Variants in COBL observed in about 807,000 individuals in gnomAD.
COBL encodes cordon-bleu WH2 repeat protein.
COBL carries 51 observed loss-of-function variants against 98.8 expected under a neutral mutation model. That is an observed-to-expected ratio of 0.52 (90% CI 0.41 to 0.65). COBL has a LOEUF of 0.65. COBL is among the 30% of genes least tolerant of loss of function. COBL has a pLI of 0.00. For missense variants in COBL, 1,617 were observed against 1,617.5 expected, an observed-to-expected ratio of 1.00 and a Z score of 0.01; for synonymous variants, 634 against 651.7, an observed-to-expected ratio of 0.97 and a Z score of 0.41.
intron 1 of COBL, among the ~76,000 whole-genome samples, chr7:51,285,711 A>G (rs925223371): frequency 1.3e-5 from 2 of 152,220 alleles, no homozygotes; most frequent in African/African-American, 4.8e-5. Context: ...AATTCTCAGC[A>G]TGGCTGTTTT....
At chr7:51,267,704 G>T (rs946146157) in intron 1 of COBL, among the ~76,000 whole-genome samples, 1 of 151,986 alleles carries the variant, frequency 6.6e-6, no homozygotes, top group Non-Finnish European at 1.5e-5. Context: ...CCTCCAAGAA[G>T]CTGGGATTAC....
chr7:51,248,212 C>G (rs1386168434), intron 1 of COBL, among the ~76,000 whole-genome samples: 1 of 152,190 alleles, frequency 6.6e-6, no homozygotes, highest in African/African-American at 2.4e-5. Context: ...GAATTTTCCT[C>G]CTACTGTGCA....
chr7:51,114,577 A>G (rs928350917), intron 6 of COBL, among the ~76,000 whole-genome samples: 2 of 152,196 alleles, frequency 1.3e-5, no homozygotes, highest in African/African-American at 4.8e-5. Context: ...AAGTTTTCTT[A>G]CAGAAATGAT....
intron 8 of COBL, among the ~76,000 whole-genome samples, chr7:51,039,261 A>G (rs1257436164): frequency 6.6e-6 from 1 of 152,216 alleles, no homozygotes; most frequent in Non-Finnish European, 1.5e-5. Flanking sequence ...GCTGCTGTTT[A>G]GTGTTCTAAT....
At chr7:51,266,982 C>T (rs1358221372) in intron 1 of COBL, among the ~76,000 whole-genome samples, 1 of 152,076 alleles carries the variant, frequency 6.6e-6, no homozygotes, top group Non-Finnish European at 1.5e-5. Context: ...AAGCATATAA[C>T]ATTGTATCAT....
intron 6 of COBL, among the ~76,000 whole-genome samples, chr7:51,093,892 A>G (rs1583768474): frequency 2.0e-5 from 3 of 151,380 alleles, no homozygotes; most frequent in African/African-American, 7.3e-5. Flanking sequence ...AGGCCCTGAC[A>G]CCAAAAGAAA....
At chr7:51,297,042 C>T (rs1801478392) in intron 1 of COBL, among the ~76,000 whole-genome samples, 1 of 152,142 alleles carries the variant, frequency 6.6e-6, no homozygotes, top group African/African-American at 2.4e-5. Flanking sequence ...CCCTCAAACC[C>T]TCTTTTGAGT....
chr7:51,276,426 C>A (rs766552092), intron 1 of COBL, among the ~76,000 whole-genome samples: 1 of 152,206 alleles, frequency 6.6e-6, no homozygotes, highest in Non-Finnish European at 1.5e-5. Context: ...CGGCCGGGGA[C>A]GGGCCATACC....
At chr7:51,066,076 A>G (rs896423598) in intron 7 of COBL, among the ~76,000 whole-genome samples, 3 of 152,216 alleles carry the variant, frequency 2.0e-5, no homozygotes, top group Non-Finnish European at 2.9e-5. Context: ...GCAGACTAAC[A>G]TATCAGTGCA....
chr7:51,064,957 T>C (rs542261705), intron 7 of COBL: 2 of 594,076 alleles, frequency 3.4e-6, no homozygotes, highest in Non-Finnish European at 6.0e-6. Context: ...AGGCTCATTT[T>C]CCTCTCTATT....
intron 1 of COBL, among the ~76,000 whole-genome samples, chr7:51,229,276 C>T (rs73697837): frequency 0.031 from 4,743 of 152,258 alleles, 204 homozygotes; most frequent in South Asian, 0.15. Flanking sequence ...CGAGCAAGCC[C>T]GCGGTGCCGG....
chr7:51,184,083 T>C lies in COBL; in HGVS notation c.783+19A>G, dbSNP rs901958488. 3.3e-6 allele frequency: 4 copies of C among 1,201,508 alleles called. No individual in the cohort carries two copies. Among genetic ancestry groups the C allele is most frequent in the Middle Eastern group, 2.4e-4 (1 of 4,128 alleles). 74.4% of individuals were successfully genotyped at this position (1,201,508 alleles called of 1,614,324 possible). A position where few individuals can be genotyped will look rare whatever the true frequency, so the allele number is the denominator to read the frequency against. ...TTTTTTTACATGATACAAAATCATA[T>C]GTGTATTTAATCCATTACCTTACTA... is the stretch of plus-strand genomic sequence containing the variant. On this transcript the variant is annotated intron_variant, in intron 5 of 12. Transcript: ENST00000265136.
intron 1 of COBL, among the ~76,000 whole-genome samples, chr7:51,307,022 CAG>C (rs1304366430): frequency 6.6e-6 from 1 of 152,180 alleles, no homozygotes. Context: ...CGAGAGACGT[CAG>C]AGTCACATGG....
intron 1 of COBL, among the ~76,000 whole-genome samples, chr7:51,229,083 G>A (rs1306432994): frequency 6.6e-6 from 1 of 152,148 alleles, no homozygotes; most frequent in Non-Finnish European, 1.5e-5. Flanking sequence ...CCTAAAAGGA[G>A]CACAAAGGGC....
chr7:51,068,298 C>T (rs1379289343), intron 7 of COBL, among the ~76,000 whole-genome samples: 4 of 152,190 alleles, frequency 2.6e-5, no homozygotes, highest in Admixed American at 2.6e-4. Context: ...ACAAAGGATG[C>T]ATTCAGATGA....
intron 1 of COBL, among the ~76,000 whole-genome samples, chr7:51,285,730 T>C (rs917652743): frequency 6.6e-6 from 1 of 152,168 alleles, no homozygotes; most frequent in Non-Finnish European, 1.5e-5. Context: ...TTTGTAGACA[T>C]AGACAAACTG....
chr7:51,107,395 T>G (rs1796409108), intron 6 of COBL, among the ~76,000 whole-genome samples: 1 of 152,080 alleles, frequency 6.6e-6, no homozygotes, highest in South Asian at 2.1e-4. Context: ...CCCTAGTATT[T>G]TTAAATAGAG....
In COBL at chr7:51,114,601, T is replaced by C. The variant is rs567159556; in HGVS notation, c.957+21557A>G. ...TACAGAAATGATGTATCTGCCATTCTCTGTCCTTGATCAGAAGTTTGTCCT... is the reference window on the plus strand; with the variant it reads ...TACAGAAATGATGTATCTGCCATTCCCTGTCCTTGATCAGAAGTTTGTCCT... On this transcript the variant is annotated intron_variant, in intron 6 of 12. Transcript: ENST00000265136. 2.6e-5 allele frequency among the ~76,000 whole-genome samples: 4 copies of C among 152,292 alleles called. 1 individual carries two copies. The South Asian group carries it at 6.2e-4, about 24-fold the overall frequency.
At position 51,026,648 on chromosome 7, in the gene COBL, C is replaced by G. The variant is rs1334951003; in HGVS notation, c.3402G>C (p.Gly1134=). ...DRLRKTAEHT[G]EGRPAKLSYT... ...AGGACAGTTTCGCTGGCCTGCCCTC[C>G]CCGGTGTGTTCTGCCGTCTAGAATA... Residue 1134 remains glycine (G), a synonymous_variant, in exon 11 of 13, where the codon GGG becomes GGC. Coordinates refer to ENST00000265136, the MANE Select transcript of COBL (RefSeq NM_015198.5). 6.2e-7 allele frequency: 1 copy of G among 1,614,016 alleles called. No homozygotes were observed. Among genetic ancestry groups the G allele is most frequent in the East Asian group, 2.2e-5 (1 of 44,880 alleles).
Sources: gnomAD v4.1 joint callset for allele counts (sites outside exome capture counted in the v4.1 genomes callset) on GRCh38, gnomAD v4.1.1 for gene constraint, MANE v1.5 for transcripts, NCBI Gene and HGNC (gene_info 2026-07-23, HGNC 2026-07-21) for gene names.